The following NOC2L variants were observed in gnomAD, a reference collection of about 807,000 sequenced individuals.
NOC2L encodes NOC2 like nucleolar associated transcriptional repressor, also known as nucleolar complex protein 2 homolog.
In NOC2L, 101 loss-of-function variants were observed where a neutral mutation model predicts 94.2. That is an observed-to-expected ratio of 1.07 (90% CI 0.91 to 1.26). The LOEUF (loss-of-function observed/expected upper bound fraction) is 1.26. Ranked by LOEUF, NOC2L falls within the 50% of genes most tolerant of loss-of-function variation. The probability of loss-of-function intolerance (pLI) is 0.00; values close to 1 mark genes in which losing one functional copy is unlikely to be tolerated. For missense variants in NOC2L, 1,076 were observed against 980.1 expected (o/e 1.10, Z -1.31); for synonymous variants, 531 against 413.4 (o/e 1.28, Z -3.45).
At chr1:953,503 G>A (rs546499945) in intron 8 of NOC2L, among the ~76,000 whole-genome samples, 10 of 152,362 alleles carry the variant, frequency 6.6e-5, no homozygotes, top group South Asian at 4.1e-4. Context: ...AGTTTACCAC[G>A]TCAGACACGC....
At chr1:945,481 GC>G (rs756695407) in intron 17 of NOC2L, 36 bp downstream of exon 17, 36 of 1,610,594 alleles carry the variant, frequency 2.2e-5, no homozygotes, top group Non-Finnish European at 4.2e-6. Context: ...AGCCCTCCAG[GC>G]CCACCCTTCC....
chr1:954,931 G>A (rs1360639965), intron 6 of NOC2L, among the ~76,000 whole-genome samples: 1 of 152,180 alleles, frequency 6.6e-6, no homozygotes, highest in Non-Finnish European at 1.5e-5. Flanking sequence ...GCATGGGAAG[G>A]ACAAAGGGCA....
chr1:952,298 C>T, intron 10 of NOC2L, 114 bp downstream of exon 10: 2 of 1,435,702 alleles, frequency 1.4e-6, no homozygotes, highest in Non-Finnish European at 9.6e-7. Flanking sequence ...CACCAGGGTG[C>T]TGGGCTGTCT....
chr1:949,789 A>G (rs1265248025), intron 12 of NOC2L, among the ~76,000 whole-genome samples: 2 of 152,156 alleles, frequency 1.3e-5, no homozygotes, highest in Non-Finnish European at 2.9e-5. Flanking sequence ...GGGAGTGAAC[A>G]TGGCTTCCTA....
intron 14 of NOC2L, among the ~76,000 whole-genome samples, 179 bp downstream of exon 14, chr1:947,952 T>G (rs777825770): frequency 6.6e-6 from 1 of 152,180 alleles, no homozygotes; most frequent in Non-Finnish European, 1.5e-5. Flanking sequence ...ACCTCCTGAA[T>G]GGCTTAGAAC....
At chr1:951,494 CCTA>C (rs1642259935) in intron 11 of NOC2L, among the ~76,000 whole-genome samples, 1 of 152,222 alleles carries the variant, frequency 6.6e-6, no homozygotes, top group Non-Finnish European at 1.5e-5. Context: ...TCCCGCCTTT[CCTA>C]CTTCTTCCCT....
At position 945,571 on chromosome 1, in the gene NOC2L, A is replaced by G; in HGVS notation, c.2000T>C (p.Leu667Pro). The G allele has an allele frequency of 6.2e-7, 1 of 1,614,110 alleles. No individual in the cohort carries two copies. Among genetic ancestry groups the G allele is most frequent in the Non-Finnish European group, 8.5e-7 (1 of 1,179,974 alleles). ...CTCTTCAGAGCTGTTCAGGTCAAAG[A>G]GGTCTTTAAATTGCTTCCTGTCCTC... is the stretch of plus-strand genomic sequence containing the variant. ...KDEDRKQFKD[L>P]FDLNSSEEDD... The change falls in exon 17 of 19, where the codon CTC (leucine) becomes CCC (proline). Residue 667 changes from leucine (L) to proline (P), a missense_variant. This residue lies in a region of NOC2L where 615 missense variants were observed against 577.4 expected (regional missense o/e 1.07). Transcript: ENST00000327044.
chr1:944,377 G>T lies in NOC2L; in HGVS notation c.*317C>A. The T allele has an allele frequency of 7.4e-7, 1 of 1,342,470 alleles. No individual in the cohort carries two copies. The highest frequency in any genetic ancestry group is 9.6e-7 in the Non-Finnish European group (1 of 1,046,706). 83.2% of individuals were successfully genotyped at this position (1,342,470 alleles called of 1,614,324 possible). A position where few individuals can be genotyped will look rare whatever the true frequency, so the allele number is the denominator to read the frequency against. ...AGGTCTGCAGACGGAGGGCAGAGGT[G>T]GTGGAAGGGGCCAGGGGCCTGCAGG... On this transcript the variant is annotated 3_prime_UTR_variant, in exon 19 of 19. Coordinates refer to ENST00000327044, the MANE Select transcript of NOC2L (RefSeq NM_015658.4).
intron 4 of NOC2L, 88 bp downstream of exon 4, chr1:956,806 G>C: frequency 6.4e-7 from 1 of 1,571,918 alleles, no homozygotes. Flanking sequence ...GCACCCAGCT[G>C]CCCGCCCCTC....
At position 953,793 on chromosome 1, in the gene NOC2L, T is replaced by TGC; in HGVS notation, c.875_876dup (p.Met293AlafsTer8). The TGC allele has an allele frequency of 6.2e-7, 1 of 1,611,904 alleles. No homozygotes were observed. ...ACTGGGCCACGAACCTTGAGCAGCATGCGGCACTGCTTGGGGAAGGTCAGG... is the reference window on the plus strand; with the variant it reads ...ACTGGGCCACGAACCTTGAGCAGCATGCGCGGCACTGCTTGGGGAAGGTCAGG... On this transcript the variant is annotated frameshift_variant, in exon 8 of 19. Coordinates refer to ENST00000327044, the MANE Select transcript of NOC2L (RefSeq NM_015658.4). LOFTEE classifies it high-confidence loss of function.
At position 957,001 on chromosome 1, in the gene NOC2L, C is replaced by T. The variant is rs182282381; in HGVS notation, c.379G>A (p.Ala127Thr). 19 of 1,614,096 alleles carry T rather than the reference C, an allele frequency of 1.2e-5. No individual in the cohort carries two copies. Among genetic ancestry groups the T allele is most frequent in the Middle Eastern group, 1.7e-4 (1 of 6,060 alleles). The change falls in exon 4 of 19, where the codon GCG becomes ACG. Residue 127 changes from alanine to threonine, a missense_variant. This residue lies in a region of NOC2L where 457 missense variants were observed against 386.0 expected (regional missense o/e 1.18). Coordinates refer to ENST00000327044, the MANE Select transcript of NOC2L (RefSeq NM_015658.4). Reference protein sequence around the residue: ...LEEASEEEDGAEEGEDGDRVP... With the variant: ...LEEASEEEDGTEEGEDGDRVP... ...CTGTCCCCATCTTCTCCTTCCTCCG[C>T]TCCATCCTCCTCCTCACTGGCTTCC...
At chr1:951,293 CT>C in intron 11 of NOC2L, 55 bp from the exon 12 acceptor site, 1 of 1,334,698 alleles carries the variant, frequency 7.5e-7, no homozygotes, top group Non-Finnish European at 1.1e-6. Flanking sequence ...GCCCCTGCCC[CT>C]CCCCCTGCTG....
rs1052153818 is a variant in NOC2L, at chr1:957,256, G to A, written c.197C>T (p.Ala66Val). The A allele has an allele frequency of 9.9e-6, 16 of 1,613,646 alleles. No individual in the cohort carries two copies. Among genetic ancestry groups the A allele is most frequent in the East Asian group, 4.5e-5 (2 of 44,894 alleles). The change falls in exon 3 of 19, where the codon GCC (alanine) becomes GTC (valine). Residue 66 changes from alanine (A) to valine (V), a missense_variant. By Grantham distance (64) the Ala-to-Val change is moderately conservative. Transcript: ENST00000327044. ...SPSASRRKGR[A>V]SEHKDQLSRL... ...AGAGAGCTGGTCTTTGTGCTCAGAGGCACGGCCTTTACGCCGGCTGAGGAG... is the reference window on the plus strand; with the variant it reads ...AGAGAGCTGGTCTTTGTGCTCAGAGACACGGCCTTTACGCCGGCTGAGGAG...
intron 14 of NOC2L, 92 bp downstream of exon 14, chr1:948,039 G>C: frequency 9.8e-7 from 1 of 1,019,958 alleles, no homozygotes; most frequent in Non-Finnish European, 1.5e-6. Flanking sequence ...CCAGGTACCC[G>C]GGACAAGGGC....
At chr1:947,665 C>T (rs975450016) in intron 14 of NOC2L, among the ~76,000 whole-genome samples, 10 of 152,166 alleles carry the variant, frequency 6.6e-5, no homozygotes, top group Non-Finnish European at 1.2e-4. Flanking sequence ...ATGAGGCTGA[C>T]GTGGGGTATT....
In NOC2L at chr1:958,972, C is replaced by A; in HGVS notation, c.136G>T (p.Ala46Ser). Reference sequence around the variant, plus strand: ...CCCGGCTTATCCGGACTCCGGGCAGCCTCGCGTGCTTCCCGTGTCTCCGCT... The same window carrying A: ...CCCGGCTTATCCGGACTCCGGGCAGACTCGCGTGCTTCCCGTGTCTCCGCT... The part of the protein sequence containing the change: ...PQAETREARE[A>S]ARSPDKPGGS... The change falls in exon 2 of 19, where the codon GCT becomes TCT. Residue 46 changes from alanine (A) to serine (S), a missense_variant. Ala to Ser is a moderately conservative substitution (Grantham distance 99). Transcript: ENST00000327044. 6.2e-7 allele frequency: 1 copy of A among 1,612,782 alleles called. No homozygotes were observed. The highest frequency in any genetic ancestry group is 1.1e-5 in the South Asian group (1 of 91,086).
At chr1:945,413 G>T in intron 17 of NOC2L, 105 bp downstream of exon 17, 1 of 1,390,542 alleles carries the variant, frequency 7.2e-7, no homozygotes. Context: ...GCCAGAGACT[G>T]GTGAGCCCCC....
chr1:956,030 T>G lies in NOC2L; in HGVS notation c.608-17A>C. 2 of 1,614,000 alleles carry G rather than the reference T, an allele frequency of 1.2e-6. No individual in the cohort carries two copies. Among genetic ancestry groups the G allele is most frequent in the Non-Finnish European group, 1.7e-6 (2 of 1,180,004 alleles). On this transcript the variant is annotated splice_polypyrimidine_tract_variant and intron_variant, in intron 5 of 18. Transcript: ENST00000327044. ...CATTGAATGCTGCAACGAAAAGGCC[T>G]GGATGTACTCACGGGACAGAGAACG...
chr1:954,900 C>T (rs1367209726), intron 6 of NOC2L, among the ~76,000 whole-genome samples: 1 of 152,172 alleles, frequency 6.6e-6, no homozygotes, highest in Non-Finnish European at 1.5e-5. Flanking sequence ...ACGCAGTAGG[C>T]GCTCACTAAA....
Sources: gnomAD v4.1 joint callset for allele counts (sites outside exome capture counted in the v4.1 genomes callset) on GRCh38, gnomAD v4.1.1 for gene constraint, gnomAD v4.1.1 regional missense constraint, MANE v1.5 for transcripts, NCBI Gene and HGNC (gene_info 2026-07-23, HGNC 2026-07-21) for gene names.